Variants in RFT1 observed in about 807,000 individuals in gnomAD.
RFT1 encodes the protein RFT1 glycolipid translocator homolog.
A neutral mutation model predicts 62.2 loss-of-function variants in RFT1; 43 were observed. The ratio of observed to expected loss-of-function variants is 0.69; its 90% CI spans 0.54 to 0.89. RFT1 has a LOEUF of 0.89. Among genes scored for constraint, RFT1 ranks in the 40% least tolerant of loss-of-function variants. RFT1 has a pLI of 0.00. For synonymous variants in RFT1, 262 were observed against 264.6 expected (o/e 0.99, Z 0.10); for missense variants, 605 against 649.9 (o/e 0.93, Z 0.75).
In RFT1 at chr3:53,099,459, A is replaced by C; in HGVS notation, c.1130T>G (p.Leu377Arg). The C allele has an allele frequency of 6.2e-7, 1 of 1,614,070 alleles. No individual in the cohort carries two copies. Among genetic ancestry groups the C allele is most frequent in the Non-Finnish European group, 8.5e-7 (1 of 1,179,972 alleles). ...SGPVLLRSYC[L>R]YVLLLAINGV... Reference sequence around the variant, plus strand: ...ATTGATGGCAAGCAGGAGAACATAGAGACAGTAGGAACGCAGCAAAACAGG... The same window carrying C: ...ATTGATGGCAAGCAGGAGAACATAGCGACAGTAGGAACGCAGCAAAACAGG... The change falls in exon 11 of 13, where the codon CTC (leucine) becomes CGC (arginine). Residue 377 changes from leucine (L) to arginine (R), a missense_variant. Coordinates refer to ENST00000296292, the MANE Select transcript of RFT1 (RefSeq NM_052859.4).
rs1444610664 is a variant in RFT1, at chr3:53,123,769, C to T, written c.221G>A (p.Gly74Asp). Residue 74 changes from glycine (G) to aspartate (D), a missense_variant, in exon 3 of 13, where the codon GGC (glycine) becomes GAC (aspartate). Gly to Asp is a moderately conservative substitution (Grantham distance 94). Transcript: ENST00000296292. Reference sequence around the variant, plus strand: ...GGTCTGGCTCCAGTCTCGCTGGGTGCCCCCACTGAGACATGCTCTGCGGAA... The same window carrying T: ...GGTCTGGCTCCAGTCTCGCTGGGTGTCCCCACTGAGACATGCTCTGCGGAA... ...EAFRRACLSG[G>D]TQRDWSQTLN... 1 of 1,614,154 alleles carries T rather than the reference C, an allele frequency of 6.2e-7. No individual in the cohort carries two copies. The highest frequency in any genetic ancestry group is 8.5e-7 in the Non-Finnish European group (1 of 1,179,988).
In RFT1 at chr3:53,103,940, C is replaced by T. The variant is rs1701387366; in HGVS notation, c.1102+13G>A. 6.2e-7 allele frequency: 1 copy of T among 1,614,162 alleles called. No individual in the cohort carries two copies. The highest frequency in any genetic ancestry group is 8.5e-7 in the Non-Finnish European group (1 of 1,179,998). On this transcript the variant is annotated intron_variant, in intron 10 of 12. Transcript: ENST00000296292. Reference sequence around the variant, plus strand: ...GGAAATCAGAAAAAATCCAGAAAAACTCTTGTGCGTACCGGATCCTGAGCT... The same window carrying T: ...GGAAATCAGAAAAAATCCAGAAAAATTCTTGTGCGTACCGGATCCTGAGCT...
chr3:53,097,725 T>C (rs1183128923), intron 11 of RFT1, among the ~76,000 whole-genome samples: 2 of 152,388 alleles, frequency 1.3e-5, no homozygotes, highest in East Asian at 3.9e-4. Context: ...AGTCCTGCTC[T>C]TTCCACTCTA....
intron 7 of RFT1, among the ~76,000 whole-genome samples, chr3:53,111,536 T>C (rs1436501211): frequency 6.6e-6 from 1 of 152,210 alleles, no homozygotes; most frequent in Non-Finnish European, 1.5e-5. Flanking sequence ...CTTGTTACTA[T>C]AAAACCCTAA....
chr3:53,099,256 A>G (rs1701240939), intron 11 of RFT1, 125 bp downstream of exon 11: 1 of 758,642 alleles, frequency 1.3e-6, no homozygotes, highest in Non-Finnish European at 2.3e-6. Context: ...ACACTGGTGG[A>G]CTAAGTGTTG....
At chr3:53,074,628 C>T in the RFT1 span, among the ~76,000 whole-genome samples, 3 of 152,174 alleles carry the variant, frequency 2.0e-5, no homozygotes, top group African/African-American at 7.2e-5. Context: ...CAGGGCAACC[C>T]CTCTGCTGGC....
chr3:53,097,989 G>A (rs1299770995), intron 11 of RFT1, among the ~76,000 whole-genome samples: 3 of 152,170 alleles, frequency 2.0e-5, no homozygotes, highest in African/African-American at 4.8e-5. Context: ...CAATTTAGAG[G>A]GTAATGGCAT....
intron 1 of RFT1, among the ~76,000 whole-genome samples, chr3:53,129,745 G>C (rs1702206483): frequency 6.6e-6 from 1 of 152,136 alleles, no homozygotes; most frequent in Non-Finnish European, 1.5e-5. Context: ...TGCATACTAA[G>C]AGCCGGGTAC....
In RFT1 at chr3:53,091,556, A is replaced by G. The variant is rs1291296520; in HGVS notation, c.*347T>C. 1.7e-5 allele frequency: 5 copies of G among 299,208 alleles called. No homozygotes were observed. Among genetic ancestry groups the G allele is most frequent in the Admixed American group, 8.8e-5 (2 of 22,686 alleles). 18.5% of individuals were successfully genotyped at this position (299,208 alleles called of 1,614,324 possible). A position where few individuals can be genotyped will look rare whatever the true frequency, so the allele number is the denominator to read the frequency against. On this transcript the variant is annotated 3_prime_UTR_variant, in exon 13 of 13. Coordinates refer to ENST00000296292, the MANE Select transcript of RFT1 (RefSeq NM_052859.4). The stretch of plus-strand genomic sequence containing the variant: ...CTGGGCCAGATAATTATTAACAGTT[A>G]ACAATTAAGATATAGTTTGTTGGAG...
rs1054966199 is a variant in RFT1, at chr3:53,091,456, A to G, written c.*447T>C. ...TCTGTTTCCATGTGGTGCATGAGAG[A>G]GAGAGGTTTCTCTCTCTCTTTTACA... is the stretch of plus-strand genomic sequence containing the variant. On this transcript the variant is annotated 3_prime_UTR_variant, in exon 13 of 13. Transcript: ENST00000296292. The G allele has an allele frequency of 3.9e-5, 8 of 203,754 alleles. No individual in the cohort carries two copies. The highest frequency in any genetic ancestry group is 1.6e-4 in the African/African-American group (7 of 43,372). 12.6% of individuals were successfully genotyped at this position (203,754 alleles called of 1,614,324 possible). A position where few individuals can be genotyped will look rare whatever the true frequency, so the allele number is the denominator to read the frequency against.
At chr3:53,084,249 G>A (rs1700812569), downstream of RFT1, among the ~76,000 whole-genome samples, 1 of 152,212 alleles carries the variant, frequency 6.6e-6, no homozygotes, top group Admixed American at 6.5e-5. Flanking sequence ...AACAGTGGTG[G>A]ACAACAAAAG....
chr3:53,107,429 G>A (rs920982638), intron 7 of RFT1, among the ~76,000 whole-genome samples: 3 of 151,938 alleles, frequency 2.0e-5, no homozygotes, highest in Non-Finnish European at 4.4e-5. Context: ...AAGCCACCAC[G>A]CCCAGCCCTA....
At chr3:53,104,301 G>A (rs935161726) in intron 9 of RFT1, among the ~76,000 whole-genome samples, 2 of 152,186 alleles carry the variant, frequency 1.3e-5, no homozygotes, top group Non-Finnish European at 2.9e-5. Flanking sequence ...AGGTCGTAAG[G>A]GGGAGGGTTA....
chr3:53,097,040 C>T lies in RFT1; in HGVS notation c.1208+2341G>A, dbSNP rs147311071. ...GATTACAGGTGTGAGCCACCGTGCC[C>T]GGCCCAAATGCTCTATTTTTATTCA... On this transcript the variant is annotated intron_variant, in intron 11 of 12. Transcript: ENST00000296292. 4.3e-3 allele frequency among the ~76,000 whole-genome samples: 650 copies of T among 152,256 alleles called. 3 individuals are homozygous for T. Among genetic ancestry groups the T allele is most frequent in the African/African-American group, 0.015 (613 of 41,548 alleles).
chr3:53,113,297 G>A (rs1019528943), intron 6 of RFT1, among the ~76,000 whole-genome samples: 2 of 152,194 alleles, frequency 1.3e-5, no homozygotes, highest in African/African-American at 2.4e-5. Context: ...TTCCAGGCAT[G>A]AGCCACCATG....
chr3:53,067,585 A>G, the RFT1 span, among the ~76,000 whole-genome samples: 1 of 152,164 alleles, frequency 6.6e-6, no homozygotes, highest in Non-Finnish European at 1.5e-5. Flanking sequence ...GTGTGCACCT[A>G]TGTAAAATTC....
chr3:53,099,263 G>GT, intron 11 of RFT1, 118 bp downstream of exon 11: 1 of 796,634 alleles, frequency 1.3e-6, no homozygotes, highest in Non-Finnish European at 2.2e-6. Flanking sequence ...TGGACTAAGT[G>GT]TTGCCTCTAA....
At chr3:53,073,525 G>C in the RFT1 span, among the ~76,000 whole-genome samples, 1 of 152,222 alleles carries the variant, frequency 6.6e-6, no homozygotes, top group Non-Finnish European at 1.5e-5. Context: ...ATGGAGCCAC[G>C]GGCTGAGGCT....
At chr3:53,115,252 G>A (rs34390878) in intron 6 of RFT1, among the ~76,000 whole-genome samples, 10,200 of 152,168 alleles carry the variant, frequency 0.067, 496 homozygotes, top group South Asian at 0.13. Flanking sequence ...AAATGTCGCC[G>A]TGAACAAGAT....
Sources: gnomAD v4.1 joint callset for allele counts (sites outside exome capture counted in the v4.1 genomes callset) on GRCh38, gnomAD v4.1.1 for gene constraint, MANE v1.5 for transcripts, NCBI Gene and HGNC (gene_info 2026-07-23, HGNC 2026-07-21) for gene names.